LIPC: variants seen among roughly 807,000 people sequenced by gnomAD.
The protein encoded by LIPC is hepatic triacylglycerol lipase.
Under a neutral mutation model 50.7 loss-of-function variants are expected in LIPC, and 44 were observed. That is an observed-to-expected ratio of 0.87 (90% CI 0.68 to 1.11). LIPC has a LOEUF of 1.11. Ranked by LOEUF, LIPC falls within the 50% of genes most tolerant of loss-of-function variation. The pLI is 0.00. For missense variants in LIPC, 697 were observed against 648.2 expected (o/e 1.08, Z -0.82); for synonymous variants, 271 against 256.4 (o/e 1.06, Z -0.54).
chr15:58,488,292 G>A (rs528010196), intron 1 of LIPC, among the ~76,000 whole-genome samples: 1 of 152,300 alleles, frequency 6.6e-6, no homozygotes, highest in South Asian at 2.1e-4. Flanking sequence ...AAGTTAGACT[G>A]CTCAATTCCT....
intron 3 of LIPC, 38 bp from the exon 4 acceptor site, chr15:58,542,496 A>C: frequency 7.4e-7 from 1 of 1,346,908 alleles, no homozygotes; most frequent in East Asian, 2.3e-5. Context: ...TCATCCAGGC[A>C]GCTCTTCTCC....
chr15:58,503,509 A>C (rs1473153846), intron 1 of LIPC, among the ~76,000 whole-genome samples: 1 of 152,192 alleles, frequency 6.6e-6, no homozygotes, highest in African/African-American at 2.4e-5. Context: ...TGCATGGGGC[A>C]GCACCTCGCA....
intron 8 of LIPC, 72 bp downstream of exon 8, chr15:58,563,795 TACTC>T (rs1894260416): frequency 1.6e-6 from 2 of 1,214,638 alleles, no homozygotes; most frequent in East Asian, 5.0e-5. Flanking sequence ...CACAATTTAA[TACTC>T]ACATTCATCA....
chr15:58,493,109 C>T (rs570050270), intron 1 of LIPC, among the ~76,000 whole-genome samples: 2 of 152,308 alleles, frequency 1.3e-5, no homozygotes, highest in South Asian at 4.1e-4. Flanking sequence ...CCCATCCACC[C>T]TGGCCCCCCA....
chr15:58,496,909 C>A (rs1595897615), intron 1 of LIPC, among the ~76,000 whole-genome samples: 1 of 152,016 alleles, frequency 6.6e-6, no homozygotes, highest in South Asian at 2.1e-4. Context: ...GGTCTCCAAC[C>A]CCTGACCTCA....
intron 1 of LIPC, among the ~76,000 whole-genome samples, chr15:58,472,192 AC>A (rs1890832503): frequency 6.8e-6 from 1 of 147,848 alleles, no homozygotes; most frequent in African/African-American, 2.5e-5. Flanking sequence ...AATCACTTGA[AC>A]CTGGGAGGCA....
chr15:58,555,856 C>A (rs1200887530), intron 6 of LIPC, among the ~76,000 whole-genome samples: 1 of 152,206 alleles, frequency 6.6e-6, no homozygotes, highest in African/African-American at 2.4e-5. Context: ...GGCTCCAGAG[C>A]ACGGGGGAGC....
rs1893345982 is a variant in LIPC at position 58,541,948 on chromosome 15, C to T, written c.437C>T (p.Ala146Val). 2 of 1,610,370 alleles carry T rather than the reference C, an allele frequency of 1.2e-6. No homozygotes were observed. Among genetic ancestry groups the T allele is most frequent in the Non-Finnish European group, 1.7e-6 (2 of 1,179,506 alleles). The change falls in exon 3 of 9, where the codon GCT becomes GTT. Residue 146 changes from alanine (A) to valine (V), a missense_variant. Transcript: ENST00000299022. ...CGCCTTGTGGGCAAGGAGGTCGCGG[C>T]TCTTCTCCGGTGGCTGGAGGTACCG... ...NTRLVGKEVAALLRWLEESVQ... is the reference protein window; with the variant it reads ...NTRLVGKEVAVLLRWLEESVQ...
chr15:58,480,325 C>T (rs1891142834), intron 1 of LIPC, among the ~76,000 whole-genome samples: 1 of 152,188 alleles, frequency 6.6e-6, no homozygotes, highest in Non-Finnish European at 1.5e-5. Context: ...AATGGAGTCT[C>T]GCTTTGTCAC....
chr15:58,493,262 C>A (rs1390440235), intron 1 of LIPC, among the ~76,000 whole-genome samples: 1 of 152,122 alleles, frequency 6.6e-6, no homozygotes, highest in Non-Finnish European at 1.5e-5. Context: ...CTCCCGCCAG[C>A]ACTCCACCAC....
At chr15:58,476,349 C>A (rs1890999609) in intron 1 of LIPC, among the ~76,000 whole-genome samples, 1 of 152,214 alleles carries the variant, frequency 6.6e-6, no homozygotes, top group African/African-American at 2.4e-5. Flanking sequence ...CTTTTTCTGT[C>A]CCATTTAGTC....
At chr15:58,564,913 T>C (rs1437262264) in intron 8 of LIPC, among the ~76,000 whole-genome samples, 2 of 152,110 alleles carry the variant, frequency 1.3e-5, no homozygotes, top group African/African-American at 4.8e-5. Context: ...CCCTTCTCTA[T>C]TCAGGAAACG....
rs142125161 is a variant in LIPC at position 58,441,719 on chromosome 15, A to C, written c.88+9599A>C. ...GTCCAATTCAATGATTCGGCATCAT[A>C]ATAATTTAATAGTTATCACTAATTA... On this transcript the variant is annotated intron_variant, in intron 1 of 8. Transcript: ENST00000299022. Among the ~76,000 whole-genome samples, 16 of 152,356 alleles carry C rather than the reference A, an allele frequency of 1.1e-4. No homozygotes were observed. The East Asian group carries it at 3.1e-3, about 29-fold the overall frequency.
At chr15:58,505,569 T>C (rs1892122294) in intron 1 of LIPC, among the ~76,000 whole-genome samples, 1 of 152,168 alleles carries the variant, frequency 6.6e-6, no homozygotes, top group Non-Finnish European at 1.5e-5. Context: ...GTTCAGATGA[T>C]ACTCATCTAA....
chr15:58,457,271 G>A (rs957640264), intron 1 of LIPC, among the ~76,000 whole-genome samples: 6 of 152,130 alleles, frequency 3.9e-5, no homozygotes, highest in Admixed American at 2.6e-4. Context: ...CACCACGCCT[G>A]GCTAATTTTT....
intron 1 of LIPC, among the ~76,000 whole-genome samples, chr15:58,453,831 A>G (rs567174161): frequency 2.8e-4 from 43 of 151,712 alleles, no homozygotes; most frequent in Admixed American, 4.6e-4. Flanking sequence ...GCGAGGCTGC[A>G]GTGAGCCATG....
chr15:58,561,741 A>C (rs1894170411), intron 7 of LIPC, among the ~76,000 whole-genome samples: 1 of 152,192 alleles, frequency 6.6e-6, no homozygotes, highest in South Asian at 2.1e-4. Context: ...GCTATACTAG[A>C]GTCAGGCTGG....
intron 5 of LIPC, 138 bp downstream of exon 5, chr15:58,546,113 C>G: frequency 1.3e-6 from 1 of 779,866 alleles, no homozygotes. Context: ...GTCACCAAGC[C>G]CACCCAGAGA....
At chr15:58,464,800 C>T (rs1209952470) in intron 1 of LIPC, among the ~76,000 whole-genome samples, 3 of 152,160 alleles carry the variant, frequency 2.0e-5, no homozygotes, top group Non-Finnish European at 2.9e-5. Flanking sequence ...TGGTGAAACT[C>T]GGTCTGTACT....
Sources: allele counts gnomAD v4.1 joint callset (sites outside exome capture counted in the v4.1 genomes callset), GRCh38; gene constraint gnomAD v4.1.1; transcripts MANE v1.5; gene names NCBI Gene and HGNC (gene_info 2026-07-23, HGNC 2026-07-21).